KAT2B: variants seen among roughly 807,000 people sequenced by gnomAD.
KAT2B encodes lysine acetyltransferase 2B.
A neutral mutation model predicts 105.9 loss-of-function variants in KAT2B; 36 were observed. The ratio of observed to expected loss-of-function variants is 0.34; its 90% confidence interval spans 0.26 to 0.45. The LOEUF is 0.45. Among genes scored for constraint, KAT2B ranks in the 20% least tolerant of loss-of-function variants. KAT2B has a pLI of 1.00. For missense variants in KAT2B, 820 were observed against 1,021.6 expected (o/e 0.80, Z 2.69); for synonymous variants, 397 against 377.9 (o/e 1.05, Z -0.59).
chr3:20,040,527 G>A lies in KAT2B; in HGVS notation c.50G>A (p.Gly17Glu). 9.9e-7 allele frequency: 1 copy of A among 1,007,652 alleles called. No homozygotes were observed. Among genetic ancestry groups the A allele is most frequent in the South Asian group, 4.5e-5 (1 of 22,420 alleles). The allele number at this position is 1,007,652 out of a possible 1,614,324, so 62.4% of individuals were successfully genotyped here. ...AGPGGCGAGAGAGAGPGALPP... is the reference protein window; with the variant it reads ...AGPGGCGAGAEAGAGPGALPP... ...CCGGGCGGCTGCGGGGCAGGAGCCG[G>A]GGCAGGGGCCGGGCCCGGGGCGCTG... Residue 17 changes from glycine to glutamate, a missense_variant, in exon 1 of 18, where the codon GGG (glycine) becomes GAG (glutamate). Around this residue, in one of 6 missense-constraint regions of KAT2B, gnomAD observed 190 missense variants for 176.7 expected, o/e 1.08. Coordinates refer to ENST00000263754, the MANE Select transcript of KAT2B (RefSeq NM_003884.5).
chr3:20,125,561 G>T (rs553225546), intron 9 of KAT2B, among the ~76,000 whole-genome samples: 8 of 152,178 alleles, frequency 5.3e-5, no homozygotes, highest in Non-Finnish European at 7.3e-5. Context: ...GCAGAAGAAG[G>T]AGTAGTTGTG....
At chr3:20,144,320 A>C (rs2125195075) in intron 13 of KAT2B, among the ~76,000 whole-genome samples, 2 of 116,192 alleles carry the variant, frequency 1.7e-5, no homozygotes, top group Non-Finnish European at 3.3e-5. Flanking sequence ...ACAGCGTCTC[A>C]CTCTGTCACC....
chr3:20,050,705 CTT>C (rs769997231), intron 1 of KAT2B, among the ~76,000 whole-genome samples: 75 of 142,400 alleles, frequency 5.3e-4, no homozygotes, highest in Middle Eastern at 3.6e-3. Context: ...TGGGATGAAT[CTT>C]TTTTTTTTTT....
intron 7 of KAT2B, among the ~76,000 whole-genome samples, chr3:20,116,977 T>C (rs1445586917): frequency 1.3e-5 from 2 of 152,138 alleles, no homozygotes; most frequent in African/African-American, 4.8e-5. Flanking sequence ...CAGCATACAC[T>C]TGTGGAAGGA....
intron 10 of KAT2B, 84 bp downstream of exon 10, chr3:20,126,197 T>G: frequency 8.6e-7 from 1 of 1,156,572 alleles, no homozygotes; most frequent in Non-Finnish European, 1.3e-6. Flanking sequence ...TCAGCCATAG[T>G]CATCCACCGA....
In KAT2B at chr3:20,147,963, G is replaced by A; in HGVS notation, c.2120G>A (p.Arg707Lys). The A allele has an allele frequency of 6.2e-7, 1 of 1,613,552 alleles. No individual in the cohort carries two copies. Among genetic ancestry groups the A allele is most frequent in the South Asian group, 1.1e-5 (1 of 91,050 alleles). ...QIPIESIPGI[R>K]ETGWKPSGKE... ...AGTGTTTCACTTTGTTGACGTATAG[G>A]AGAGACAGGCTGGAAACCGAGTGGA... Residue 707 changes from arginine to lysine, a missense_variant and splice_region_variant, in exon 15 of 18, where the codon AGA becomes AAA. Physicochemically the swap from Arg to Lys is conservative, Grantham distance 26 (BLOSUM62 2). Around this residue, in one of 6 missense-constraint regions of KAT2B, gnomAD observed 227 missense variants for 292.9 expected, o/e 0.77. Transcript: ENST00000263754.
intron 5 of KAT2B, among the ~76,000 whole-genome samples, chr3:20,109,216 G>A (rs1180817654): frequency 6.6e-6 from 1 of 152,144 alleles, no homozygotes; most frequent in African/African-American, 2.4e-5. Flanking sequence ...TTCTGATTAT[G>A]AAGATCTGTG....
intron 5 of KAT2B, among the ~76,000 whole-genome samples, chr3:20,110,953 C>T (rs1186706792): frequency 1.3e-5 from 2 of 152,118 alleles, no homozygotes; most frequent in African/African-American, 4.8e-5. Context: ...AAGCTTAATA[C>T]TTCCTACATT....
At chr3:20,135,102 C>T (rs980610345) in intron 11 of KAT2B, among the ~76,000 whole-genome samples, 3 of 152,246 alleles carry the variant, frequency 2.0e-5, no homozygotes, top group Admixed American at 6.5e-5. Flanking sequence ...ATTTTACTAT[C>T]GTCTCCTCAA....
Position 20,064,281 on chromosome 3 carries a change from T to C in KAT2B, c.304-8052T>C, listed in dbSNP as rs191209666. The stretch of plus-strand genomic sequence containing the variant: ...GTGGTGTTTTGAAACATGTATACAT[T>C]GTGTAATGGCCAAATCAGTGTAATT... On this transcript the variant is annotated intron_variant, in intron 1 of 17. Coordinates refer to ENST00000263754, the MANE Select transcript of KAT2B (RefSeq NM_003884.5). Among the ~76,000 whole-genome samples the C allele has an allele frequency of 4.6e-5, 7 of 152,316 alleles. No individual in the cohort carries two copies. The East Asian group carries it at 1.4e-3, about 29-fold the overall frequency.
intron 1 of KAT2B, among the ~76,000 whole-genome samples, chr3:20,054,372 C>T (rs1697969151): frequency 6.6e-6 from 1 of 152,058 alleles, no homozygotes; most frequent in Admixed American, 6.5e-5. Context: ...CGTGATCCAC[C>T]CTCATCGGCC....
At position 20,152,660 on chromosome 3, in the gene KAT2B, C is replaced by G; in HGVS notation, c.*135C>G. 1.7e-6 allele frequency: 1 copy of G among 589,534 alleles called. No homozygotes were observed. Among genetic ancestry groups the G allele is most frequent in the Non-Finnish European group, 2.9e-6 (1 of 349,762 alleles). 36.5% of individuals were successfully genotyped at this position (589,534 alleles called of 1,614,324 possible). On this transcript the variant is annotated 3_prime_UTR_variant, in exon 18 of 18. Transcript: ENST00000263754. ...GTAATAATTAGCACTTTTGAAAAAA[C>G]AAAAAACCTCCTTTTAGCTTTTCAG...
chr3:20,146,803 CAG>C (rs1699790360), intron 14 of KAT2B, among the ~76,000 whole-genome samples: 1 of 152,152 alleles, frequency 6.6e-6, no homozygotes, highest in Non-Finnish European at 1.5e-5. Context: ...GGCACATAGC[CAG>C]TAACGGTCAG....
intron 11 of KAT2B, among the ~76,000 whole-genome samples, chr3:20,130,895 G>A (rs1429828779): frequency 6.6e-6 from 1 of 150,916 alleles, no homozygotes; most frequent in Non-Finnish European, 1.5e-5. Flanking sequence ...GTTTTTTAAT[G>A]GTAAGAACGT....
Position 20,152,519 on chromosome 3 carries a change from C to G in KAT2B, c.2493C>G (p.Asp831Glu), listed in dbSNP as rs1372566118. The change falls in exon 18 of 18, where the codon GAC becomes GAG. Residue 831 changes from aspartate to glutamate, a missense_variant. Coordinates refer to ENST00000263754, the MANE Select transcript of KAT2B (RefSeq NM_003884.5). ...AAATTAAGGAAGCTGGATTAATTGA[C>G]AAGTGATTTTTTTTCCCCTCTGCTT... ...FSKIKEAGLIDK is the reference protein window; with the variant it reads ...FSKIKEAGLIEK 1.2e-6 allele frequency: 2 copies of G among 1,611,394 alleles called. No individual in the cohort carries two copies. Among genetic ancestry groups the G allele is most frequent in the Non-Finnish European group, 1.7e-6 (2 of 1,178,346 alleles).
chr3:20,097,541 A>G (rs1228920699), intron 3 of KAT2B, among the ~76,000 whole-genome samples: 3 of 151,926 alleles, frequency 2.0e-5, no homozygotes, highest in Non-Finnish European at 4.4e-5. Context: ...TTTTTTTTTA[A>G]TTTTAACTTT....
intron 3 of KAT2B, among the ~76,000 whole-genome samples, chr3:20,099,113 T>C (rs1473432614): frequency 6.6e-6 from 1 of 152,222 alleles, no homozygotes; most frequent in African/African-American, 2.4e-5. Flanking sequence ...GCGTTGTTCT[T>C]GGTAAGTGGC....
intron 7 of KAT2B, among the ~76,000 whole-genome samples, chr3:20,118,746 A>AG (rs1452648585): frequency 5.9e-5 from 5 of 85,380 alleles, no homozygotes; most frequent in African/African-American, 1.8e-4. Context: ...AAAAAAAAAA[A>AG]AGAGAGAGAG....
Position 20,111,775 on chromosome 3 carries a change from C to G in KAT2B, c.1031C>G (p.Thr344Ser). Residue 344 changes from threonine (T) to serine (S), a missense_variant, in exon 6 of 18, where the codon ACT becomes AGT. Thr to Ser is a moderately conservative substitution (Grantham distance 58). This residue lies in a region of KAT2B where 173 missense variants were observed against 249.5 expected (regional missense o/e 0.69). Transcript: ENST00000263754. ...CTTGAAAAACGAACTCTAATCCTCA[C>G]TCATTTCCCAAAGTAAGGGAGAGTT... ...LPLEKRTLIL[T>S]HFPKFLSMLE... The G allele has an allele frequency of 1.2e-6, 2 of 1,612,364 alleles. No individual in the cohort carries two copies. The highest frequency in any genetic ancestry group is 1.7e-6 in the Non-Finnish European group (2 of 1,179,290).
Sources: gnomAD v4.1 joint callset for allele counts (sites outside exome capture counted in the v4.1 genomes callset) on GRCh38, gnomAD v4.1.1 for gene constraint, gnomAD v4.1.1 regional missense constraint, MANE v1.5 for transcripts, NCBI Gene and HGNC (gene_info 2026-07-23, HGNC 2026-07-21) for gene names.